CREB3L2: variants seen among roughly 807,000 people sequenced by gnomAD.
CREB3L2 encodes cAMP responsive element binding protein 3 like 2.
A neutral mutation model predicts 57.2 loss-of-function variants in CREB3L2; 23 were observed. The observed-to-expected ratio is 0.40, with a 90% CI of 0.29 to 0.57. The LOEUF is 0.57. Ranked by LOEUF, CREB3L2 falls within the 20% of genes least tolerant of loss-of-function variation. The pLI, the probability that CREB3L2 is intolerant of heterozygous loss-of-function variation, is 0.42. For synonymous variants in CREB3L2, 268 were observed against 265.1 expected, an observed-to-expected ratio of 1.01 and a Z score of -0.11; for missense variants, 628 against 634.7, an observed-to-expected ratio of 0.99 and a Z score of 0.11.
chr7:137,948,963 G>C (rs1801047482), intron 1 of CREB3L2, among the ~76,000 whole-genome samples: 1 of 152,150 alleles, frequency 6.6e-6, no homozygotes, highest in South Asian at 2.1e-4. Flanking sequence ...TTACACCATA[G>C]GAGTCATCAG....
At chr7:137,922,685 T>C (rs549442231) in intron 2 of CREB3L2, 18 of 446,006 alleles carry the variant, frequency 4.0e-5, no homozygotes, top group African/African-American at 1.0e-4. Context: ...TAAACGTGGA[T>C]TGAAAATACA....
At chr7:137,939,163 G>T (rs1800841168) in intron 1 of CREB3L2, among the ~76,000 whole-genome samples, 1 of 152,128 alleles carries the variant, frequency 6.6e-6, no homozygotes, top group Non-Finnish European at 1.5e-5. Context: ...ATAATGCGAA[G>T]AAAATTTAAT....
At chr7:137,892,433 T>C (rs1799545256) in intron 8 of CREB3L2, among the ~76,000 whole-genome samples, 1 of 151,650 alleles carries the variant, frequency 6.6e-6, no homozygotes, top group Non-Finnish European at 1.5e-5. Context: ...AGCGGATCAC[T>C]TGAGGTCAGG....
intron 2 of CREB3L2, chr7:137,922,440 A>ATG (rs1800341647): frequency 1.0e-4 from 2 of 19,274 alleles, no homozygotes; most frequent in African/African-American, 3.9e-4. Flanking sequence ...ATATATACGT[A>ATG]TATATATATA....
intron 8 of CREB3L2, among the ~76,000 whole-genome samples, chr7:137,887,508 A>G (rs558391006): frequency 1.3e-5 from 2 of 152,152 alleles, no homozygotes; most frequent in African/African-American, 2.4e-5. Flanking sequence ...GGAGTTCGAG[A>G]CCAGCCTGGC....
At chr7:137,931,139 G>A (rs1158353605) in intron 1 of CREB3L2, among the ~76,000 whole-genome samples, 1 of 151,788 alleles carries the variant, frequency 6.6e-6, no homozygotes, top group Non-Finnish European at 1.5e-5. Context: ...GGGTGAGGAA[G>A]GAGGATTCCT....
At chr7:137,910,886 GACA>G (rs1799991275) in intron 4 of CREB3L2, among the ~76,000 whole-genome samples, 1 of 152,170 alleles carries the variant, frequency 6.6e-6, no homozygotes, top group Non-Finnish European at 1.5e-5. Context: ...AAGGTCTGGG[GACA>G]ACAAGCTACT....
chr7:137,997,003 A>C (rs558882278), intron 1 of CREB3L2, among the ~76,000 whole-genome samples: 2 of 152,256 alleles, frequency 1.3e-5, no homozygotes, highest in Non-Finnish European at 2.9e-5. Context: ...CATTATCAAG[A>C]TCTTGATGTT....
intron 1 of CREB3L2, among the ~76,000 whole-genome samples, chr7:137,961,587 C>A (rs1801323548): frequency 6.6e-6 from 1 of 152,174 alleles, no homozygotes; most frequent in African/African-American, 2.4e-5. Context: ...TCAACTCTTC[C>A]TGTCATTTTG....
rs188672052 is a variant in CREB3L2, at chr7:137,944,985, C to T, written c.103-16619G>A. ...TCGACTCACTGCAACCTCTGTCTCT[C>T]GGGCTCAAGCGATTCTCCTGCCTCA... On this transcript the variant is annotated intron_variant, in intron 1 of 11. Coordinates refer to ENST00000330387, the MANE Select transcript of CREB3L2 (RefSeq NM_194071.4). Among the ~76,000 whole-genome samples, 598 of 152,206 alleles carry T rather than the reference C, an allele frequency of 3.9e-3. 5 individuals carry two copies. The highest frequency in any genetic ancestry group is 0.013 in the African/African-American group (548 of 41,540).
intron 1 of CREB3L2, among the ~76,000 whole-genome samples, chr7:137,934,406 G>C (rs866257782): frequency 1.3e-5 from 2 of 152,358 alleles, no homozygotes; most frequent in African/African-American, 4.8e-5. Flanking sequence ...GATGGACTAA[G>C]TACTTGACAT....
chr7:137,884,761 A>T (rs1002536131), intron 10 of CREB3L2: 1 of 627,544 alleles, frequency 1.6e-6, no homozygotes, highest in African/African-American at 1.8e-5. Flanking sequence ...ACAGTCTAGA[A>T]CAGCAGTTTG....
intron 8 of CREB3L2, among the ~76,000 whole-genome samples, chr7:137,895,024 A>G (rs867452765): frequency 1.3e-5 from 2 of 152,338 alleles, no homozygotes; most frequent in South Asian, 4.1e-4. Context: ...CTCAAGTCTA[A>G]GCTCCTATGA....
At chr7:137,906,858 G>A (rs376234649) in intron 5 of CREB3L2, among the ~76,000 whole-genome samples, 34 of 152,226 alleles carry the variant, frequency 2.2e-4, no homozygotes, top group East Asian at 1.2e-3. Context: ...GCTCCTCCTC[G>A]CCTTCCACCA....
intron 1 of CREB3L2, among the ~76,000 whole-genome samples, chr7:138,000,645 G>C (rs1270495118): frequency 2.0e-5 from 3 of 152,092 alleles, no homozygotes; most frequent in Non-Finnish European, 4.4e-5. Flanking sequence ...AGGGGAAGCA[G>C]CCAAGCCTCC....
chr7:137,947,846 G>A (rs780861813), intron 1 of CREB3L2, among the ~76,000 whole-genome samples: 8 of 152,118 alleles, frequency 5.3e-5, no homozygotes, highest in East Asian at 3.9e-4. Flanking sequence ...CTGGTGTCAC[G>A]TCTAGAATAT....
intron 1 of CREB3L2, among the ~76,000 whole-genome samples, chr7:137,951,229 G>C (rs191051971): frequency 1.3e-5 from 2 of 152,282 alleles, no homozygotes; most frequent in South Asian, 4.1e-4. Flanking sequence ...CAGTGCTGAA[G>C]TGCTATCTAG....
At chr7:137,959,956 C>T (rs1387698060) in intron 1 of CREB3L2, among the ~76,000 whole-genome samples, 1 of 152,134 alleles carries the variant, frequency 6.6e-6, no homozygotes. Context: ...TTTCCATGTT[C>T]CCATTCCCTA....
intron 2 of CREB3L2, among the ~76,000 whole-genome samples, chr7:137,919,891 C>T (rs920607933): frequency 3.3e-5 from 5 of 152,144 alleles, no homozygotes; most frequent in African/African-American, 1.2e-4. Context: ...TCTGGATAAT[C>T]GTTCAGAACA....
Sources: allele counts gnomAD v4.1 joint callset (sites outside exome capture counted in the v4.1 genomes callset), GRCh38; gene constraint gnomAD v4.1.1; transcripts MANE v1.5; gene names NCBI Gene and HGNC (gene_info 2026-07-23, HGNC 2026-07-21).